Variants in GAREM1 observed in about 807,000 individuals in gnomAD.
GAREM1 encodes the protein GRB2 associated regulator of MAPK1 subtype 1.
A neutral mutation model predicts 71.3 loss-of-function variants in GAREM1; 26 were observed. The ratio of observed to expected loss-of-function variants is 0.36; its 90% CI spans 0.27 to 0.51. GAREM1 has a LOEUF of 0.51. Among genes scored for constraint, GAREM1 ranks in the 20% least tolerant of loss-of-function variants. The pLI, the probability that GAREM1 is intolerant of heterozygous loss-of-function variation, is 0.95. For missense variants in GAREM1, 1,026 were observed against 1,103.1 expected (o/e 0.93, Z 0.99); for synonymous variants, 440 against 433.2 (o/e 1.02, Z -0.20).
intron 2 of GAREM1, among the ~76,000 whole-genome samples, chr18:32,327,058 A>C (rs1485641923): frequency 6.6e-6 from 1 of 152,242 alleles, no homozygotes; most frequent in Non-Finnish European, 1.5e-5. Context: ...CAGGCTTTTT[A>C]AAAACAGGAA....
intron 1 of GAREM1, among the ~76,000 whole-genome samples, chr18:32,419,955 C>T (rs1489100337): frequency 6.6e-6 from 1 of 152,140 alleles, no homozygotes; most frequent in Non-Finnish European, 1.5e-5. Flanking sequence ...TGTCACCTCG[C>T]CTAAGGTGAG....
chr18:32,355,594 T>C (rs996167105), intron 2 of GAREM1, among the ~76,000 whole-genome samples: 3 of 152,210 alleles, frequency 2.0e-5, no homozygotes, highest in African/African-American at 7.2e-5. Context: ...CATTTTTATC[T>C]TTTTAAGTAA....
chr18:32,351,406 T>C (rs2047748991), intron 2 of GAREM1, among the ~76,000 whole-genome samples: 1 of 152,182 alleles, frequency 6.6e-6, no homozygotes, highest in Admixed American at 6.5e-5. Flanking sequence ...ATTACAGTTC[T>C]TGGCCCTAAC....
At chr18:32,415,765 C>G (rs2048460364) in intron 1 of GAREM1, among the ~76,000 whole-genome samples, 1 of 152,054 alleles carries the variant, frequency 6.6e-6, no homozygotes, top group Non-Finnish European at 1.5e-5. Flanking sequence ...CAGCTAGTAA[C>G]CTACTGAATG....
At chr18:32,343,391 T>C (rs2047666469) in intron 2 of GAREM1, among the ~76,000 whole-genome samples, 1 of 147,164 alleles carries the variant, frequency 6.8e-6, no homozygotes, top group Non-Finnish European at 1.5e-5. Context: ...CTCAGCTCAC[T>C]GCAACCTATA....
chr18:32,461,678 G>C (rs1420472807), intron 1 of GAREM1, among the ~76,000 whole-genome samples: 3 of 152,136 alleles, frequency 2.0e-5, no homozygotes, highest in Non-Finnish European at 4.4e-5. Flanking sequence ...CTGAGGGACA[G>C]AGCAAGACTC....
intron 2 of GAREM1, among the ~76,000 whole-genome samples, chr18:32,369,721 A>G (rs1419504819): frequency 2.0e-5 from 3 of 152,250 alleles, no homozygotes; most frequent in Middle Eastern, 3.2e-3. Flanking sequence ...AAACCACATC[A>G]CAGGGCATCT....
At chr18:32,445,084 G>A (rs1272757832) in intron 1 of GAREM1, among the ~76,000 whole-genome samples, 1 of 151,858 alleles carries the variant, frequency 6.6e-6, no homozygotes. Context: ...AACCAACTGG[G>A]GTACATCTCC....
At chr18:32,406,550 A>G (rs2048369098) in intron 1 of GAREM1, among the ~76,000 whole-genome samples, 2 of 152,234 alleles carry the variant, frequency 1.3e-5, no homozygotes, top group Admixed American at 6.5e-5. Flanking sequence ...AAGAACAATC[A>G]TGAAATCAAA....
At chr18:32,366,773 T>G (rs894609050) in intron 2 of GAREM1, among the ~76,000 whole-genome samples, 3 of 152,240 alleles carry the variant, frequency 2.0e-5, no homozygotes, top group African/African-American at 7.2e-5. Context: ...CTGGGAGGTC[T>G]ACATACCAAA....
intron 2 of GAREM1, among the ~76,000 whole-genome samples, 156 bp downstream of exon 2, chr18:32,392,734 CAAAAT>C (rs1341006258): frequency 6.6e-6 from 1 of 152,166 alleles, no homozygotes; most frequent in Non-Finnish European, 1.5e-5. Context: ...ATACTTCTAA[CAAAAT>C]GAATCTGAGC....
chr18:32,313,192 T>A (rs1487080472), intron 2 of GAREM1, among the ~76,000 whole-genome samples: 1 of 150,326 alleles, frequency 6.7e-6, no homozygotes, highest in Non-Finnish European at 1.5e-5. Context: ...GGCAAAGGAG[T>A]CAGGATGTCA....
chr18:32,375,718 T>C (rs2048024710), intron 2 of GAREM1, among the ~76,000 whole-genome samples: 1 of 152,198 alleles, frequency 6.6e-6, no homozygotes, highest in Non-Finnish European at 1.5e-5. Flanking sequence ...CAATATTGAA[T>C]AAATTATAAA....
intron 2 of GAREM1, among the ~76,000 whole-genome samples, chr18:32,313,940 G>A (rs1279943559): frequency 6.6e-6 from 1 of 152,150 alleles, no homozygotes; most frequent in Non-Finnish European, 1.5e-5. Flanking sequence ...GTTTTCAGGA[G>A]TTAAGAGGTA....
chr18:32,399,544 T>TC (rs1599020042), intron 1 of GAREM1, among the ~76,000 whole-genome samples: 2 of 151,458 alleles, frequency 1.3e-5, no homozygotes, highest in African/African-American at 4.9e-5. Flanking sequence ...AAACAGAGAG[T>TC]CAACTCATGA....
chr18:32,413,674 TA>T (rs2048441192), intron 1 of GAREM1, among the ~76,000 whole-genome samples: 1 of 152,014 alleles, frequency 6.6e-6, no homozygotes, highest in African/African-American at 2.4e-5. Flanking sequence ...CTAAAAGAAG[TA>T]AAAAAGTGTC....
intron 1 of GAREM1, among the ~76,000 whole-genome samples, chr18:32,403,428 T>C (rs2048335401): frequency 6.6e-6 from 1 of 152,164 alleles, no homozygotes; most frequent in Non-Finnish European, 1.5e-5. Flanking sequence ...GACTGTTCTC[T>C]GTTTACACAT....
At chr18:32,394,388 C>T (rs900466791) in intron 1 of GAREM1, among the ~76,000 whole-genome samples, 11 of 151,762 alleles carry the variant, frequency 7.2e-5, no homozygotes, top group East Asian at 1.9e-4. Flanking sequence ...GGTAACGGAG[C>T]GAGACCTTAT....
At chr18:32,328,011 T>C (rs1380436920) in intron 2 of GAREM1, among the ~76,000 whole-genome samples, 2 of 152,228 alleles carry the variant, frequency 1.3e-5, no homozygotes, top group Admixed American at 6.5e-5. Context: ...ATTATCAAGA[T>C]TCCATAAGAG....
Sources: gnomAD v4.1 joint callset for allele counts (sites outside exome capture counted in the v4.1 genomes callset) on GRCh38, gnomAD v4.1.1 for gene constraint, MANE v1.5 for transcripts, NCBI Gene and HGNC (gene_info 2026-07-23, HGNC 2026-07-21) for gene names.